EXO1: variants seen among roughly 807,000 people sequenced by gnomAD.
EXO1 encodes the protein exonuclease 1.
Under a neutral mutation model 84.5 loss-of-function variants are expected in EXO1, and 69 were observed. That is an observed-to-expected ratio of 0.82 (90% CI 0.67 to 1.00). EXO1 has a LOEUF of 1.00. EXO1 is among the 50% of genes least tolerant of loss of function. EXO1 has a pLI of 0.00. For missense variants in EXO1, 1,045 were observed against 1,000.7 expected (o/e 1.04, Z -0.60); for synonymous variants, 373 against 366.1 (o/e 1.02, Z -0.21).
At chr1:241,851,835 A>AT (rs1252467563) in intron 4 of EXO1, among the ~76,000 whole-genome samples, 1 of 152,222 alleles carries the variant, frequency 6.6e-6, no homozygotes, top group Non-Finnish European at 1.5e-5. Flanking sequence ...AAGTGTACCA[A>AT]TTATAATATA....
chr1:241,878,389 C>T (rs967960119), intron 12 of EXO1, among the ~76,000 whole-genome samples: 4 of 151,756 alleles, frequency 2.6e-5, no homozygotes, highest in Non-Finnish European at 4.4e-5. Flanking sequence ...CCCACCTACT[C>T]AGGAGGCTGA....
Position 241,866,935 on chromosome 1 carries a change from A to C in EXO1, c.1147A>C (p.Thr383Pro). Residue 383 changes from threonine (T) to proline (P), a missense_variant, in exon 11 of 16, where the codon ACT becomes CCT. Physicochemically the swap from Thr to Pro is conservative, Grantham distance 38 (BLOSUM62 -1). Transcript: ENST00000366548. ...TTACTCTCCCAGACCAGAGTCGGGT[A>C]CTGTTTCAGATGCCCCACAATTGAA... is the stretch of plus-strand genomic sequence containing the variant. ...RNYSPRPESG[T>P]VSDAPQLKEN... The C allele has an allele frequency of 6.2e-7, 1 of 1,613,980 alleles. No homozygotes were observed. Among genetic ancestry groups the C allele is most frequent in the African/African-American group, 1.3e-5 (1 of 75,054 alleles).
At chr1:241,875,682 T>A (rs150969364) in intron 12 of EXO1, among the ~76,000 whole-genome samples, 2 of 152,042 alleles carry the variant, frequency 1.3e-5, no homozygotes, top group South Asian at 2.1e-4. Context: ...ATCGAGACCA[T>A]CCTGGCTAAC....
intron 13 of EXO1, among the ~76,000 whole-genome samples, chr1:241,880,685 A>G (rs1574181794): frequency 1.3e-5 from 2 of 152,254 alleles, no homozygotes; most frequent in East Asian, 1.9e-4. Context: ...TGAAAATCAT[A>G]TAATCTTTCT....
rs1336335479 is a variant in EXO1, at chr1:241,852,301, A to C, written c.171A>C (p.Gly57=). The C allele has an allele frequency of 1.2e-6, 2 of 1,602,680 alleles. No homozygotes were observed. Among genetic ancestry groups the C allele is most frequent in the African/African-American group, 1.3e-5 (1 of 74,812 alleles). Residue 57 remains glycine, a synonymous_variant, in exon 5 of 16, where the codon GGA becomes GGC. Coordinates refer to ENST00000366548, the MANE Select transcript of EXO1 (RefSeq NM_130398.4). ...AKGEPTDRYV[G]FCMKFVNMLL... is the part of the protein sequence containing the mutation. Reference sequence around the variant, plus strand: ...TTCTTTTTTTCCATAGGTATGTAGGATTTTGTATGAAATTTGTAAATATGT... The same window carrying C: ...TTCTTTTTTTCCATAGGTATGTAGGCTTTTGTATGAAATTTGTAAATATGT...
Position 241,866,874 on chromosome 1 carries a change from A to T in EXO1, c.1086A>T (p.Gln362His). Residue 362 changes from glutamine to histidine, a missense_variant, in exon 11 of 16, where the codon CAA (glutamine) becomes CAT (histidine). Gln to His is a conservative substitution (Grantham distance 24). Coordinates refer to ENST00000366548, the MANE Select transcript of EXO1 (RefSeq NM_130398.4). ...RSHSWDDKTC[Q>H]KSANVSSIWH... ...ATAGTTGGGATGACAAAACATGTCA[A>T]AAGTCAGCTAATGTTAGCAGCATTT... 6.2e-7 allele frequency: 1 copy of T among 1,614,144 alleles called. No homozygotes were observed. Among genetic ancestry groups the T allele is most frequent in the South Asian group, 1.1e-5 (1 of 91,082 alleles).
At position 241,878,767 on chromosome 1, in the gene EXO1, T is replaced by C. The variant is rs145063369; in HGVS notation, c.1533T>C (p.Asp511=). 1.2e-4 allele frequency: 197 copies of C among 1,612,294 alleles called. No homozygotes were observed. The highest frequency in any genetic ancestry group is 1.6e-4 in the Non-Finnish European group (188 of 1,178,842). Residue 511 remains aspartate, a synonymous_variant, in exon 13 of 16, where the codon GAT becomes GAC. Coordinates refer to ENST00000366548, the MANE Select transcript of EXO1 (RefSeq NM_130398.4). ...GTRSRFFCSS[D]STDCVSNKVS... ...TTATTAGGTTTTTTTGCAGTTCAGA[T>C]TCTACTGACTGTGTATCAAACAAAG...
At chr1:241,856,699 G>C (rs543052292) in intron 6 of EXO1, among the ~76,000 whole-genome samples, 125 of 152,226 alleles carry the variant, frequency 8.2e-4, no homozygotes, top group African/African-American at 2.9e-3. Flanking sequence ...TATATTTTCG[G>C]AACATAGCCA....
chr1:241,856,903 T>G (rs1162768275), intron 6 of EXO1, among the ~76,000 whole-genome samples: 1 of 152,134 alleles, frequency 6.6e-6, no homozygotes, highest in Non-Finnish European at 1.5e-5. Context: ...CATGGTGGCA[T>G]GCACCTGTAG....
intron 12 of EXO1, among the ~76,000 whole-genome samples, chr1:241,873,201 T>A (rs1338913938): frequency 6.6e-6 from 1 of 152,120 alleles, no homozygotes; most frequent in Non-Finnish European, 1.5e-5. Flanking sequence ...ATTAGGTATA[T>A]CTCCTAATGC....
chr1:241,863,671 T>C (rs917061276), intron 10 of EXO1, among the ~76,000 whole-genome samples: 4 of 152,208 alleles, frequency 2.6e-5, no homozygotes, highest in African/African-American at 9.7e-5. Flanking sequence ...ACCCTAAAAA[T>C]GAACTTTATC....
intron 15 of EXO1, 77 bp from the exon 16 acceptor site, chr1:241,889,388 T>G: frequency 1.5e-6 from 2 of 1,317,242 alleles, no homozygotes; most frequent in Non-Finnish European, 2.2e-6. Flanking sequence ...TGTCCCTCTA[T>G]TTTGTCCAGG....
intron 12 of EXO1, among the ~76,000 whole-genome samples, chr1:241,872,850 A>T (rs868110421): frequency 6.6e-5 from 10 of 152,266 alleles, no homozygotes; most frequent in Non-Finnish European, 1.2e-4. Flanking sequence ...AATGATTTAT[A>T]ATCCTTTGGG....
At chr1:241,863,102 G>T (rs777389245) in intron 10 of EXO1, among the ~76,000 whole-genome samples, 4 of 152,146 alleles carry the variant, frequency 2.6e-5, no homozygotes, top group Admixed American at 2.6e-4. Flanking sequence ...CCACCTAAGA[G>T]AATGCTTCCT....
chr1:241,859,296 A>G (rs1474419351), intron 8 of EXO1, among the ~76,000 whole-genome samples: 1 of 152,204 alleles, frequency 6.6e-6, no homozygotes, highest in African/African-American at 2.4e-5. Flanking sequence ...AATCTCTTTA[A>G]TGTGGCCTAA....
chr1:241,853,870 A>C (rs971789328), intron 6 of EXO1, among the ~76,000 whole-genome samples: 1 of 152,018 alleles, frequency 6.6e-6, no homozygotes, highest in Non-Finnish European at 1.5e-5. Context: ...AAAAATGAAG[A>C]GATGGAAGGA....
intron 11 of EXO1, among the ~76,000 whole-genome samples, chr1:241,868,868 T>A (rs140077406): frequency 2.4e-4 from 37 of 152,312 alleles, no homozygotes; most frequent in African/African-American, 8.4e-4. Context: ...TAAATAGTAT[T>A]TTCAGTTTTG....
At chr1:241,858,947 A>G (rs1294208913) in intron 8 of EXO1, among the ~76,000 whole-genome samples, 1 of 152,226 alleles carries the variant, frequency 6.6e-6, no homozygotes, top group Admixed American at 6.5e-5. Context: ...AACAAAGACT[A>G]GTATAAAGAG....
intron 10 of EXO1, among the ~76,000 whole-genome samples, chr1:241,863,579 G>A (rs993994191): frequency 3.3e-5 from 5 of 152,052 alleles, no homozygotes; most frequent in Admixed American, 6.6e-5. Context: ...TAACAAACTG[G>A]TGATCCATTC....
Sources: gnomAD v4.1 joint callset for allele counts (sites outside exome capture counted in the v4.1 genomes callset) on GRCh38, gnomAD v4.1.1 for gene constraint, MANE v1.5 for transcripts, NCBI Gene and HGNC (gene_info 2026-07-23, HGNC 2026-07-21) for gene names.